HECTD4: variants seen among roughly 807,000 people sequenced by gnomAD.
HECTD4 encodes the protein probable E3 ubiquitin-protein ligase HECTD4.
Under a neutral mutation model 471.5 loss-of-function variants are expected in HECTD4, and 114 were observed. The ratio of observed to expected loss-of-function variants is 0.24; its 90% confidence interval spans 0.21 to 0.28. The LOEUF (loss-of-function observed/expected upper bound fraction) is 0.28, where lower values mean the gene tolerates loss of function less well. Ranked by LOEUF, HECTD4 falls within the 10% of genes least tolerant of loss-of-function variation. The pLI is 1.00. For synonymous variants in HECTD4, 2,012 were observed against 2,256.0 expected, an observed-to-expected ratio of 0.89 and a Z score of 3.07; for missense variants, 3,866 against 5,651.5, an observed-to-expected ratio of 0.68 and a Z score of 10.13.
intron 49 of HECTD4, among the ~76,000 whole-genome samples, chr12:112,210,758 G>A (rs948471281): frequency 6.6e-6 from 1 of 152,196 alleles, no homozygotes; most frequent in African/African-American, 2.4e-5. Flanking sequence ...ACATACACAT[G>A]CATATTTATG....
intron 24 of HECTD4, among the ~76,000 whole-genome samples, 178 bp downstream of exon 24, chr12:112,250,793 T>G (rs1482305864): frequency 1.3e-5 from 2 of 152,184 alleles, no homozygotes; most frequent in Non-Finnish European, 2.9e-5. Flanking sequence ...TTTAGTAAAG[T>G]AAGGGCCAGA....
intron 35 of HECTD4, among the ~76,000 whole-genome samples, chr12:112,236,629 C>A (rs185793738): frequency 4.7e-4 from 72 of 152,182 alleles, no homozygotes; most frequent in Non-Finnish European, 8.7e-4. Context: ...AATCTTGCTA[C>A]AATGAGGGTA....
intron 1 of HECTD4, among the ~76,000 whole-genome samples, chr12:112,320,660 C>G (rs963679451): frequency 1.3e-5 from 2 of 151,802 alleles, no homozygotes; most frequent in African/African-American, 4.8e-5. Context: ...GAGATCGCAC[C>G]ACTGAACTCC....
chr12:112,376,982 C>G (rs1348976321), intron 1 of HECTD4, among the ~76,000 whole-genome samples: 1 of 152,048 alleles, frequency 6.6e-6, no homozygotes, highest in Non-Finnish European at 1.5e-5. Flanking sequence ...CGTGGTGGTG[C>G]GTGCCTGTAA....
Position 112,252,406 on chromosome 12 carries a change from G to A in HECTD4, c.3552+18C>T. 1 of 1,575,444 alleles carries A rather than the reference G, an allele frequency of 6.3e-7. No homozygotes were observed. The highest frequency in any genetic ancestry group is 2.3e-5 in the East Asian group (1 of 43,328). The stretch of plus-strand genomic sequence containing the variant: ...CAGATAGTACATTTTGTCCACGGCA[G>A]TGGTTAGATTCAAGTACCTGAGCGC... On this transcript the variant is annotated intron_variant, in intron 23 of 75. Transcript: ENST00000682272.
rs769991038 is a variant in HECTD4 at position 112,250,990 on chromosome 12, G to A, written c.3697C>T (p.Arg1233Trp). The part of the protein sequence containing the change: ...KEEEACQELL[R>W]SKLLQRCQWQ... ...TGTTACCTTTGTAAAAGTTTGGACC[G>A]CAATAGCTCCTGACAGGCTTCTTCT... is the stretch of plus-strand genomic sequence containing the variant. Residue 1233 changes from arginine (R) to tryptophan (W), a missense_variant, in exon 24 of 76, where the codon CGG becomes TGG. Around this residue, in one of 16 missense-constraint regions of HECTD4, gnomAD observed 281 missense variants for 499.9 expected, o/e 0.56. Transcript: ENST00000682272. 15 of 1,611,688 alleles carry A rather than the reference G, an allele frequency of 9.3e-6. No individual in the cohort carries two copies. The highest frequency in any genetic ancestry group is 6.7e-5 in the Admixed American group (4 of 59,542).
chr12:112,251,383 T>A (rs543389745), intron 23 of HECTD4, among the ~76,000 whole-genome samples: 1 of 152,214 alleles, frequency 6.6e-6, no homozygotes, highest in Non-Finnish European at 1.5e-5. Context: ...ATAGTACAAA[T>A]CAAATAAATA....
At chr12:112,247,590 C>T in intron 27 of HECTD4, 40 bp from the exon 28 acceptor site, 3 of 994,476 alleles carry the variant, frequency 3.0e-6, no homozygotes, top group Non-Finnish European at 4.4e-6. Flanking sequence ...CTGCAAGAAC[C>T]AAGTTTTACT....
At position 112,261,365 on chromosome 12, in the gene HECTD4, T is replaced by A. The variant is rs1450505323; in HGVS notation, c.2813A>T (p.Glu938Val). The change falls in exon 18 of 76, where the codon GAA becomes GTA. Residue 938 changes from glutamate (E) to valine (V), a missense_variant. By Grantham distance (121) the Glu-to-Val change is moderately radical (BLOSUM62 -2). Around this residue, in one of 16 missense-constraint regions of HECTD4, gnomAD observed 525 missense variants for 672.6 expected, o/e 0.78. Transcript: ENST00000682272. ...QILTGCDEVL[E>V]MLQQVTTALI... ...GGCAGTTGTGACCTGCTGTAGCATT[T>A]CCAACACTTCATCACATCCAGTCAG... 1 of 1,612,082 alleles carries A rather than the reference T, an allele frequency of 6.2e-7. No homozygotes were observed. The highest frequency in any genetic ancestry group is 1.7e-5 in the Admixed American group (1 of 60,006).
At position 112,167,888 on chromosome 12, in the gene HECTD4, C is replaced by A. The variant is rs1421682727; in HGVS notation, c.12238G>T (p.Val4080Leu). The change falls in exon 71 of 76, where the codon GTG becomes TTG. Residue 4080 changes from valine (V) to leucine (L), a missense_variant. Val to Leu is a conservative substitution (Grantham distance 32). Around this residue, in one of 16 missense-constraint regions of HECTD4, gnomAD observed 715 missense variants for 1,087.6 expected, o/e 0.66. Transcript: ENST00000682272. ...SGSFRHFLWQ[V>L]CKELQSSSLS... is the part of the protein sequence containing the mutation. The stretch of plus-strand genomic sequence containing the variant: ...GAGGAACTCTGCAGCTCCTTACACA[C>A]CTGCCACAGGAAGTGGCGGAAAGAG... 4 of 1,613,458 alleles carry A rather than the reference C, an allele frequency of 2.5e-6. No homozygotes were observed. The highest frequency in any genetic ancestry group is 3.4e-6 in the Non-Finnish European group (4 of 1,179,892).
rs2136990121 is a variant in HECTD4, at chr12:112,160,388, T to A, written c.*1999A>T. The A allele has an allele frequency of 6.6e-6, 1 of 152,332 alleles. No homozygotes were observed. Among genetic ancestry groups the A allele is most frequent in the Non-Finnish European group, 1.5e-5 (1 of 68,038 alleles). The allele number at this position is 152,332 out of a possible 1,614,324, so 9.4% of individuals were successfully genotyped here. On this transcript the variant is annotated 3_prime_UTR_variant, in exon 76 of 76. Coordinates refer to ENST00000682272, the MANE Select transcript of HECTD4 (RefSeq NM_001388303.1). ...TGAGCTTCCTTTACACAGCATGGTGTAAATAGCATCAGATTGAATGAAAAG... is the reference window on the plus strand; with the variant it reads ...TGAGCTTCCTTTACACAGCATGGTGAAAATAGCATCAGATTGAATGAAAAG...
In HECTD4 at chr12:112,232,930, T is replaced by A. The variant is rs534582037; in HGVS notation, c.5997+74A>T. On this transcript the variant is annotated intron_variant, in intron 38 of 75. Coordinates refer to ENST00000682272, the MANE Select transcript of HECTD4 (RefSeq NM_001388303.1). Reference sequence around the variant, plus strand: ...TTGAACTAATTTTTTGTTTTCTTAATTTGTTCTGAAAATCTAAAGCATGAC... The same window carrying A: ...TTGAACTAATTTTTTGTTTTCTTAAATTGTTCTGAAAATCTAAAGCATGAC... The A allele has an allele frequency of 1.5e-4, 199 of 1,348,438 alleles. 1 individual carries two copies. The highest frequency in any genetic ancestry group is 1.9e-4 in the Non-Finnish European group (182 of 971,618). 83.5% of individuals were successfully genotyped at this position (1,348,438 alleles called of 1,614,324 possible). A position where few individuals can be genotyped will look rare whatever the true frequency, so the allele number is the denominator to read the frequency against.
chr12:112,198,881 C>A (rs1176373378), intron 55 of HECTD4, among the ~76,000 whole-genome samples: 5 of 151,832 alleles, frequency 3.3e-5, no homozygotes, highest in Non-Finnish European at 7.4e-5. Context: ...TACTAGTGAC[C>A]CCTCACAGGC....
chr12:112,171,414 C>T, intron 67 of HECTD4, 151 bp from the exon 68 acceptor site: 1 of 1,263,426 alleles, frequency 7.9e-7, no homozygotes, highest in Non-Finnish European at 1.1e-6. Flanking sequence ...TGAGCGGCCC[C>T]CAATGTGCCT....
chr12:112,293,572 T>C (rs2034944583), intron 7 of HECTD4, among the ~76,000 whole-genome samples: 1 of 116,938 alleles, frequency 8.6e-6, no homozygotes, highest in Admixed American at 8.2e-5. Context: ...TCAATCTTGC[T>C]TTAAAGTAGA....
chr12:112,188,453 A>G lies in HECTD4; in HGVS notation c.9472+2333T>C, dbSNP rs1017553942. On this transcript the variant is annotated intron_variant, in intron 60 of 75. Transcript: ENST00000682272. The surrounding 1 kb of genome is among the most constrained non-coding windows in gnomAD (Gnocchi z 4.2). ...CCAAGGTCTCCTTCATACCAGAGGC[A>G]TATCTTACATTCACATAGTCATGTA... Among the ~76,000 whole-genome samples, 1 of 152,228 alleles carries G rather than the reference A, an allele frequency of 6.6e-6. No homozygotes were observed. Among genetic ancestry groups the G allele is most frequent in the Non-Finnish European group, 1.5e-5 (1 of 68,042 alleles).
At position 112,183,058 on chromosome 12, in the gene HECTD4, C is replaced by T; in HGVS notation, c.10987+1G>A. Reference sequence around the variant, plus strand: ...AGATTAAAAACAAATCCAGAACCCACCTTTAATTGACTTATCATTGAAATA... The same window carrying T: ...AGATTAAAAACAAATCCAGAACCCATCTTTAATTGACTTATCATTGAAATA... On this transcript the variant is annotated splice_donor_variant, in intron 62 of 75. Coordinates refer to ENST00000682272, the MANE Select transcript of HECTD4 (RefSeq NM_001388303.1). LOFTEE classifies it high-confidence loss of function. 6.2e-7 allele frequency: 1 copy of T among 1,609,666 alleles called. No homozygotes were observed.
chr12:112,180,516 CAG>C (rs2031627178), intron 62 of HECTD4, among the ~76,000 whole-genome samples: 1 of 150,340 alleles, frequency 6.7e-6, no homozygotes, highest in Non-Finnish European at 1.5e-5. Context: ...GCCTGGGTGA[CAG>C]AGTGAGACTG....
intron 6 of HECTD4, among the ~76,000 whole-genome samples, chr12:112,306,612 A>G (rs992814227): frequency 6.6e-6 from 1 of 152,206 alleles, no homozygotes; most frequent in African/African-American, 2.4e-5. Context: ...TCTTTAGTAA[A>G]TGAATTTATG....
Sources: allele counts gnomAD v4.1 joint callset (sites outside exome capture counted in the v4.1 genomes callset), GRCh38; gene constraint gnomAD v4.1.1; regional missense constraint gnomAD v4.1.1; non-coding constraint Gnocchi (gnomAD v3.1); transcripts MANE v1.5; gene names NCBI Gene and HGNC (gene_info 2026-07-23, HGNC 2026-07-21).